The following ARVCF variants were observed in gnomAD, a reference collection of about 807,000 sequenced individuals.
ARVCF encodes the protein splicing regulator ARVCF.
In ARVCF, 66 loss-of-function variants were observed where a neutral mutation model predicts 90.9. The ratio of observed to expected loss-of-function variants is 0.73; its 90% CI spans 0.60 to 0.89. The LOEUF is 0.89. Ranked by LOEUF, ARVCF falls within the 40% of genes least tolerant of loss-of-function variation. The pLI is 0.00. For missense variants in ARVCF, 1,469 were observed against 1,382.3 expected, an observed-to-expected ratio of 1.06 and a Z score of -1.00; for synonymous variants, 653 against 603.4, an observed-to-expected ratio of 1.08 and a Z score of -1.21.
chr22:19,990,944 G>T, intron 2 of ARVCF, 132 bp from the exon 3 acceptor site: 1 of 876,858 alleles, frequency 1.1e-6, no homozygotes, highest in South Asian at 1.8e-5. Flanking sequence ...CTAGAGGGAA[G>T]CACACTGATT....
Position 19,990,715 on chromosome 22 carries a change from G to C in ARVCF, c.80C>G (p.Thr27Arg). Residue 27 changes from threonine to arginine, a missense_variant, in exon 3 of 20, where the codon ACA (threonine) becomes AGA (arginine). Physicochemically the swap from Thr to Arg is moderately conservative, Grantham distance 71. Coordinates refer to ENST00000263207, the MANE Select transcript of ARVCF (RefSeq NM_001670.3). ...GCGCCGCTCCTGCTCCAGTGCCCGT[G>C]TCAGCCTCTCGAAGCGGGCCTCCTG... Reference protein sequence around the residue: ...KEQEARFERLTRALEQERRHV... With the variant: ...KEQEARFERLRRALEQERRHV... 1 of 1,596,394 alleles carries C rather than the reference G, an allele frequency of 6.3e-7. No homozygotes were observed. The highest frequency in any genetic ancestry group is 8.5e-7 in the Non-Finnish European group (1 of 1,171,362).
rs778815557 is a variant in ARVCF, at chr22:19,981,491, G to T, written c.616C>A (p.Arg206=). The T allele has an allele frequency of 1.8e-5, 28 of 1,551,472 alleles. No homozygotes were observed. Among genetic ancestry groups the T allele is most frequent in the Admixed American group, 1.7e-4 (9 of 52,686 alleles). Residue 206 remains arginine (R), a synonymous_variant, in exon 5 of 20, where the codon CGA becomes AGA. Transcript: ENST00000263207. The part of the protein sequence containing the change: ...RDSPSYGSLS[R]GLGMRPPRAG... ...CGTGGGGGCCGCATGCCCAGCCCTC[G>T]GGACAGGCTGCCATAGCTGGGGCTG...
chr22:19,985,842 C>T (rs1241763859), intron 3 of ARVCF, among the ~76,000 whole-genome samples: 2 of 152,246 alleles, frequency 1.3e-5, no homozygotes, highest in African/African-American at 4.8e-5. Context: ...CACCTGCAGG[C>T]CAGGCTCCCA....
Position 19,977,459 on chromosome 22 carries a change from C to A in ARVCF, c.1826G>T (p.Arg609Leu). 1 of 1,564,438 alleles carries A rather than the reference C, an allele frequency of 6.4e-7. No individual in the cohort carries two copies. The highest frequency in any genetic ancestry group is 8.7e-7 in the Non-Finnish European group (1 of 1,155,594). ...PLGSAVGSQR[R>L]RRDDASCFGG... ...AAAGCAGCTGGCATCATCCCGCCTCCGGCGCTGGGAGCCTACAGCACTGCC... is the reference window on the plus strand; with the variant it reads ...AAAGCAGCTGGCATCATCCCGCCTCAGGCGCTGGGAGCCTACAGCACTGCC... Residue 609 changes from arginine (R) to leucine (L), a missense_variant, in exon 9 of 20, where the codon CGG (arginine) becomes CTG (leucine). Transcript: ENST00000263207.
Position 19,974,116 on chromosome 22 carries a change from C to A in ARVCF, c.2084G>T (p.Trp695Leu). 6.2e-7 allele frequency: 1 copy of A among 1,609,526 alleles called. No homozygotes were observed. Among genetic ancestry groups the A allele is most frequent in the South Asian group, 1.1e-5 (1 of 90,908 alleles). ...GALQNLSAGN[W>L]MWATYIRATV... is the part of the protein sequence containing the mutation. The stretch of plus-strand genomic sequence containing the variant: ...CTGCCCGACCTGGTCCCTCACCATC[C>A]AGTTGCCGGCACTGAGGTTCTGCAG... The change falls in exon 12 of 20, where the codon TGG (tryptophan) becomes TTG (leucine). Residue 695 changes from tryptophan to leucine, a missense_variant. Physicochemically the swap from Trp to Leu is moderately conservative, Grantham distance 61 (BLOSUM62 -2). Transcript: ENST00000263207.
chr22:19,972,978 T>C lies in ARVCF; in HGVS notation c.2497A>G (p.Lys833Glu), dbSNP rs1942912814. ...SHVLQTVWSY[K>E]ELRGTLQKDG... ...TTCTGCAAGGTACCACGCAGCTCCTTGTAGCTCCACACTGTCTGCAGCACG... is the reference window on the plus strand; with the variant it reads ...TTCTGCAAGGTACCACGCAGCTCCTCGTAGCTCCACACTGTCTGCAGCACG... Residue 833 changes from lysine to glutamate, a missense_variant, in exon 15 of 20, where the codon AAG becomes GAG. Physicochemically the swap from Lys to Glu is moderately conservative, Grantham distance 56. Coordinates refer to ENST00000263207, the MANE Select transcript of ARVCF (RefSeq NM_001670.3). The C allele has an allele frequency of 1.2e-6, 2 of 1,613,560 alleles. No homozygotes were observed. The highest frequency in any genetic ancestry group is 1.3e-5 in the African/African-American group (1 of 74,906).
At chr22:20,006,290 C>T (rs1944621006) in intron 2 of ARVCF, among the ~76,000 whole-genome samples, 1 of 152,034 alleles carries the variant, frequency 6.6e-6, no homozygotes, top group Non-Finnish European at 1.5e-5. Context: ...AAAAAAGAGG[C>T]TCCCTGGCCA....
At chr22:19,989,869 C>T (rs781307238) in intron 3 of ARVCF, among the ~76,000 whole-genome samples, 2 of 152,182 alleles carry the variant, frequency 1.3e-5, no homozygotes, top group Non-Finnish European at 2.9e-5. Context: ...TGACTCCCCA[C>T]TGTGCTAGCC....
chr22:19,970,133 C>A lies in ARVCF; in HGVS notation c.*623G>T, dbSNP rs1246338845. On this transcript the variant is annotated 3_prime_UTR_variant, in exon 20 of 20. Transcript: ENST00000263207. The stretch of plus-strand genomic sequence containing the variant: ...CCAGCCAGCATGGGCTGGAGAAAGG[C>A]TCTCTACTGCACAGGGGCCTCACGT... 185 of 985,494 alleles carry A rather than the reference C, an allele frequency of 1.9e-4. No homozygotes were observed. The highest frequency in any genetic ancestry group is 2.2e-4 in the Non-Finnish European group (182 of 830,116). The allele number at this position is 985,494 out of a possible 1,614,324, so 61.0% of individuals were successfully genotyped here. A position where few individuals can be genotyped will look rare whatever the true frequency, so the allele number is the denominator to read the frequency against.
At chr22:19,972,278 CCCCATAAAA>C in intron 17 of ARVCF, 71 bp downstream of exon 17, 1 of 1,581,358 alleles carries the variant, frequency 6.3e-7, no homozygotes, top group South Asian at 1.1e-5. Context: ...ACCATCTACA[CCCCATAAAA>C]CCAGCAGGCC....
chr22:19,991,421 T>C (rs563584066), intron 2 of ARVCF, among the ~76,000 whole-genome samples: 13 of 152,320 alleles, frequency 8.5e-5, no homozygotes, highest in African/African-American at 1.2e-4. Context: ...CATATCCACA[T>C]TGGCCAGAAA....
In ARVCF at chr22:20,016,265, G is replaced by C. The variant is rs1945136731; in HGVS notation, c.-73+324C>G. On this transcript the variant is annotated intron_variant, in intron 1 of 19. Coordinates refer to ENST00000263207, the MANE Select transcript of ARVCF (RefSeq NM_001670.3). Reference sequence around the variant, plus strand: ...CGTCGCGCGGGGCGGGCACGGCTGCGGGGTCGGGCCGCGCTCGGCTGGAGT... The same window carrying C: ...CGTCGCGCGGGGCGGGCACGGCTGCCGGGTCGGGCCGCGCTCGGCTGGAGT... 3.3e-5 allele frequency among the ~76,000 whole-genome samples: 5 copies of C among 152,124 alleles called. No homozygotes were observed. In the South Asian group the frequency reaches 1.0e-3, roughly 32 times the overall value.
At chr22:19,972,454 G>T (rs751949219) in intron 16 of ARVCF, 43 bp from the exon 17 acceptor site, 6 of 1,610,926 alleles carry the variant, frequency 3.7e-6, no homozygotes, top group Admixed American at 3.3e-5. Flanking sequence ...TGGCAGCCAG[G>T]GGGGATCGGG....
rs548859871 is a variant in ARVCF at position 20,014,340 on chromosome 22, G to A, written c.-73+2249C>T. ...CTCTTGAGTAGCTGGGACTACAGGC[G>A]CATGCCACCATGCCCGACTAATTTT... On this transcript the variant is annotated intron_variant, in intron 1 of 19. Transcript: ENST00000263207. Among the ~76,000 whole-genome samples the A allele has an allele frequency of 1.1e-4, 16 of 150,422 alleles. No individual in the cohort carries two copies. In the South Asian group the frequency reaches 2.3e-3, roughly 22 times the overall value.
intron 18 of ARVCF, among the ~76,000 whole-genome samples, chr22:19,971,599 G>A (rs1219454006): frequency 6.6e-6 from 1 of 152,186 alleles, no homozygotes; most frequent in Non-Finnish European, 1.5e-5. Flanking sequence ...GGTGGACCCT[G>A]GTGGGCTCTC....
intron 5 of ARVCF, 42 bp from the exon 6 acceptor site, chr22:19,980,284 C>T (rs777386174): frequency 2.1e-5 from 31 of 1,490,010 alleles, no homozygotes; most frequent in Admixed American, 2.0e-4. Context: ...TCACAGCAGC[C>T]GCCAGCCCTG....
intron 2 of ARVCF, among the ~76,000 whole-genome samples, chr22:19,992,368 G>C (rs1465046922): frequency 6.6e-6 from 1 of 152,214 alleles, no homozygotes; most frequent in Non-Finnish European, 1.5e-5. Flanking sequence ...CTGAGGTGCA[G>C]ACTGGGCGCT....
downstream of ARVCF, chr22:19,967,488 C>T (rs1942479458): frequency 6.9e-6 from 3 of 435,886 alleles, no homozygotes; most frequent in East Asian, 1.4e-4. Flanking sequence ...CCTCACTGAC[C>T]TTGCAGCCGT....
In ARVCF at chr22:20,011,894, C is replaced by A. The variant is rs556646721; in HGVS notation, c.-72-1386G>T. 5.9e-5 allele frequency among the ~76,000 whole-genome samples: 9 copies of A among 152,202 alleles called. No individual in the cohort carries two copies. The East Asian group carries it at 1.4e-3, about 23-fold the overall frequency. ...TTATCCCTGATAAGCACCAGCCTCT[C>A]CCCCGGAGTCACCATGTGCCACAGA... On this transcript the variant is annotated intron_variant, in intron 1 of 19. Transcript: ENST00000263207.
Sources: allele counts gnomAD v4.1 joint callset (sites outside exome capture counted in the v4.1 genomes callset), GRCh38; gene constraint gnomAD v4.1.1; transcripts MANE v1.5; gene names NCBI Gene and HGNC (gene_info 2026-07-23, HGNC 2026-07-21).